Variants in ZNF138 observed in about 807,000 individuals in gnomAD.
ZNF138 encodes the protein zinc finger protein 138 (clone pHZ-32).
ZNF138 carries 33 observed loss-of-function variants against 33.0 expected under a neutral mutation model. The observed-to-expected ratio is 1.00, with a 90% CI of 0.76 to 1.34. The LOEUF is 1.34. ZNF138 is among the 40% of genes most tolerant of loss of function. ZNF138 has a pLI of 0.00. For synonymous variants in ZNF138, 139 were observed against 120.4 expected, an observed-to-expected ratio of 1.15 and a Z score of -1.01; for missense variants, 360 against 370.8, an observed-to-expected ratio of 0.97 and a Z score of 0.24.
intron 3 of ZNF138, among the ~76,000 whole-genome samples, chr7:64,820,419 G>T (rs1038340129): frequency 2.0e-5 from 3 of 151,626 alleles, no homozygotes; most frequent in African/African-American, 4.9e-5. Flanking sequence ...TACATTTTTT[G>T]ATGTGTTTGT....
At chr7:64,858,317 T>G in the ZNF138 span, among the ~76,000 whole-genome samples, 53,499 of 152,072 alleles carry the variant, frequency 0.35, 9,797 homozygotes, top group Non-Finnish European at 0.4. Flanking sequence ...CAAATGTGTC[T>G]TTTCTACATC....
intron 1 of ZNF138, among the ~76,000 whole-genome samples, chr7:64,804,097 C>T (rs1031818887): frequency 6.6e-6 from 1 of 152,204 alleles, no homozygotes; most frequent in African/African-American, 2.4e-5. Flanking sequence ...GACCACCCCT[C>T]ATACTGTCTC....
the ZNF138 span, chr7:64,853,286 G>T: frequency 6.2e-7 from 1 of 1,611,912 alleles, no homozygotes; most frequent in African/African-American, 1.3e-5. Context: ...TCAGTTCAGT[G>T]AATCTGGTTA....
At chr7:64,847,330 ATATTTT>A in the ZNF138 span, among the ~76,000 whole-genome samples, 1 of 111,368 alleles carries the variant, frequency 9.0e-6, no homozygotes, top group Non-Finnish European at 1.9e-5. Context: ...ATATATATAT[ATATTTT>A]TTTTTTTTTT....
the ZNF138 span, among the ~76,000 whole-genome samples, chr7:64,841,000 C>CT: frequency 6.0e-5 from 9 of 150,852 alleles, no homozygotes; most frequent in Non-Finnish European, 1.2e-4. Flanking sequence ...CTATACTCTG[C>CT]TTTTTTTTTA....
At chr7:64,852,163 T>C in the ZNF138 span, among the ~76,000 whole-genome samples, 1 of 152,182 alleles carries the variant, frequency 6.6e-6, no homozygotes, top group African/African-American at 2.4e-5. Context: ...TGGATAACAA[T>C]ATAATTCTCA....
At chr7:64,849,157 C>T in the ZNF138 span, among the ~76,000 whole-genome samples, 1 of 152,142 alleles carries the variant, frequency 6.6e-6, no homozygotes, top group Non-Finnish European at 1.5e-5. Flanking sequence ...TGATGTAGTA[C>T]TCTTCTCATT....
chr7:64,858,843 G>A, the ZNF138 span, among the ~76,000 whole-genome samples: 2 of 152,148 alleles, frequency 1.3e-5, no homozygotes, highest in African/African-American at 2.4e-5. Context: ...GGGCTGAATA[G>A]CATTCCATTG....
At chr7:64,845,846 T>C in the ZNF138 span, among the ~76,000 whole-genome samples, 1 of 152,194 alleles carries the variant, frequency 6.6e-6, no homozygotes, top group Non-Finnish European at 1.5e-5. Context: ...GTATAAATTT[T>C]GAAAATTTCC....
intron 3 of ZNF138, among the ~76,000 whole-genome samples, chr7:64,817,895 C>T (rs1788789461): frequency 6.6e-6 from 1 of 151,856 alleles, no homozygotes; most frequent in Admixed American, 6.6e-5. Flanking sequence ...AAAATAGTTA[C>T]TTATACATTT....
chr7:64,846,395 C>G, the ZNF138 span, among the ~76,000 whole-genome samples: 2 of 152,196 alleles, frequency 1.3e-5, no homozygotes, highest in Non-Finnish European at 2.9e-5. Context: ...CATCCATGAG[C>G]ATGGGATGTG....
At chr7:64,803,977 C>G (rs987432842) in intron 1 of ZNF138, among the ~76,000 whole-genome samples, 3 of 152,156 alleles carry the variant, frequency 2.0e-5, no homozygotes, top group Non-Finnish European at 4.4e-5. Flanking sequence ...CACCCAAAAA[C>G]CGTAATAGCT....
the ZNF138 span, chr7:64,852,345 G>A: frequency 1.7e-6 from 2 of 1,171,602 alleles, no homozygotes; most frequent in Non-Finnish European, 2.5e-6. Context: ...CGATGATAAA[G>A]GAAATAGATC....
At chr7:64,804,742 C>T (rs772412388) in intron 1 of ZNF138, among the ~76,000 whole-genome samples, 1 of 152,188 alleles carries the variant, frequency 6.6e-6, no homozygotes, top group Non-Finnish European at 1.5e-5. Flanking sequence ...GATCGTGCCA[C>T]TGCACTCCAG....
At chr7:64,850,873 C>T in the ZNF138 span, among the ~76,000 whole-genome samples, 1 of 152,270 alleles carries the variant, frequency 6.6e-6, no homozygotes, top group South Asian at 2.1e-4. Context: ...AAGGTGGCCA[C>T]ATCAGTGGTT....
rs1788555119 is a variant in ZNF138, at chr7:64,815,584, AC to A, written c.141del (p.Cys48ValfsTer11). The A allele has an allele frequency of 2.5e-6, 4 of 1,611,418 alleles. No homozygotes were observed. Among genetic ancestry groups the A allele is most frequent in the Non-Finnish European group, 3.4e-6 (4 of 1,179,110 alleles). Reference protein sequence around the residue: ...YRNLVFLDLITCLEQGKEPWN... With the variant: ...YRNLVFLDLIXCLEQGKEPWN... ...TGCTATCTCTAAGCCAGACCTGATT[AC>A]CTGTCTGGAACAAGGAAAAGAGCCC... On this transcript the variant is annotated frameshift_variant, in exon 3 of 4. Coordinates refer to ENST00000307355, the MANE Select transcript of ZNF138 (RefSeq NM_001271639.2). LOFTEE classifies it high-confidence loss of function.
the ZNF138 span, among the ~76,000 whole-genome samples, chr7:64,842,910 A>C: frequency 1.3e-5 from 2 of 152,222 alleles, no homozygotes; most frequent in East Asian, 3.8e-4. Flanking sequence ...ATGCTGTACA[A>C]AACAATCTCT....
At chr7:64,850,036 C>G in the ZNF138 span, among the ~76,000 whole-genome samples, 1 of 152,206 alleles carries the variant, frequency 6.6e-6, no homozygotes, top group Non-Finnish European at 1.5e-5. Flanking sequence ...GTGGTCCTTT[C>G]CAAGTTCCCC....
At chr7:64,828,915 A>C (rs1789860718) in intron 3 of ZNF138, among the ~76,000 whole-genome samples, 1 of 152,156 alleles carries the variant, frequency 6.6e-6, no homozygotes, top group Non-Finnish European at 1.5e-5. Context: ...TGTATATTAC[A>C]TTGAGCAGTA....
Sources: allele counts gnomAD v4.1 joint callset (sites outside exome capture counted in the v4.1 genomes callset), GRCh38; gene constraint gnomAD v4.1.1; transcripts MANE v1.5; gene names NCBI Gene and HGNC (gene_info 2026-07-23, HGNC 2026-07-21).